SNX29: variants seen among roughly 807,000 people sequenced by gnomAD.
SNX29 encodes the protein sorting nexin-29.
Under a neutral mutation model 102.1 loss-of-function variants are expected in SNX29, and 78 were observed. The ratio of observed to expected loss-of-function variants is 0.76; its 90% CI spans 0.64 to 0.92. The LOEUF is 0.92. Ranked by LOEUF, SNX29 falls within the 40% of genes least tolerant of loss-of-function variation. The pLI, the probability that SNX29 is intolerant of heterozygous loss-of-function variation, is 0.00. For missense variants in SNX29, 1,280 were observed against 1,061.7 expected, an observed-to-expected ratio of 1.21 and a Z score of -2.86; for synonymous variants, 580 against 414.5, an observed-to-expected ratio of 1.40 and a Z score of -4.85.
intron 2 of SNX29, 151 bp from the exon 3 acceptor site, chr16:12,002,840 A>G (rs116930832): frequency 0.011 from 8,464 of 749,220 alleles, 72 homozygotes; most frequent in Non-Finnish European, 0.014. Context: ...TCTTGTGCTG[A>G]TACCCAGGGG....
At chr16:12,170,029 G>A (rs533384672) in intron 13 of SNX29, among the ~76,000 whole-genome samples, 2 of 152,230 alleles carry the variant, frequency 1.3e-5, no homozygotes, top group South Asian at 2.1e-4. Flanking sequence ...CTTGCTCTCC[G>A]TGCCGACACT....
intron 20 of SNX29, among the ~76,000 whole-genome samples, chr16:12,554,030 T>G (rs566473756): frequency 9.3e-4 from 142 of 152,332 alleles, no homozygotes; most frequent in Non-Finnish European, 1.7e-3. Context: ...TTAACCATGT[T>G]GCCCAGGCTG....
intron 15 of SNX29, among the ~76,000 whole-genome samples, chr16:12,346,620 G>C (rs1314583325): frequency 2.6e-5 from 4 of 152,224 alleles, no homozygotes; most frequent in Non-Finnish European, 4.4e-5. Flanking sequence ...GACCCTCACA[G>C]CTGCATGAGT....
intron 16 of SNX29, among the ~76,000 whole-genome samples, chr16:12,394,360 G>T (rs2151479951): frequency 6.6e-6 from 1 of 152,338 alleles, no homozygotes; most frequent in East Asian, 1.9e-4. Flanking sequence ...AGTTAGAAGA[G>T]CAGGCTCTGG....
intron 19 of SNX29, among the ~76,000 whole-genome samples, chr16:12,493,737 G>A (rs143269699): frequency 0.012 from 1,859 of 152,232 alleles, 14 homozygotes; most frequent in Non-Finnish European, 0.021. Flanking sequence ...GACTATAGGC[G>A]CATGCCACCA....
chr16:12,394,277 T>C (rs2083642119), intron 16 of SNX29, among the ~76,000 whole-genome samples: 1 of 152,106 alleles, frequency 6.6e-6, no homozygotes. Context: ...TTTGGGTTAC[T>C]TGATCTTCTG....
chr16:12,136,920 A>G (rs369159403), intron 13 of SNX29, among the ~76,000 whole-genome samples: 1 of 152,060 alleles, frequency 6.6e-6, no homozygotes, highest in East Asian at 1.9e-4. Flanking sequence ...TTATATTTTT[A>G]GTAGAGATGG....
chr16:12,438,159 A>G (rs776687206), intron 18 of SNX29, among the ~76,000 whole-genome samples: 1 of 152,034 alleles, frequency 6.6e-6, no homozygotes, highest in Non-Finnish European at 1.5e-5. Context: ...GTAGGGGGGC[A>G]TCTCTGGACT....
At chr16:12,131,254 T>C (rs1455808051) in intron 13 of SNX29, among the ~76,000 whole-genome samples, 1 of 152,254 alleles carries the variant, frequency 6.6e-6, no homozygotes, top group Non-Finnish European at 1.5e-5. Flanking sequence ...AGAGTATGGT[T>C]GAGCCTCCTT....
intron 13 of SNX29, among the ~76,000 whole-genome samples, chr16:12,148,895 T>G (rs2055179276): frequency 6.6e-6 from 1 of 151,838 alleles, no homozygotes; most frequent in African/African-American, 2.4e-5. Context: ...AGAGACAGGG[T>G]TTCTCCATGT....
At chr16:12,242,410 A>T (rs1438565443) in intron 14 of SNX29, among the ~76,000 whole-genome samples, 1 of 146,168 alleles carries the variant, frequency 6.8e-6, no homozygotes, top group Non-Finnish European at 1.5e-5. Context: ...TTCAATCCTC[A>T]TCTTGAATCC....
chr16:12,155,460 G>A (rs2055505327), intron 13 of SNX29, among the ~76,000 whole-genome samples: 1 of 152,086 alleles, frequency 6.6e-6, no homozygotes, highest in African/African-American at 2.4e-5. Flanking sequence ...AGTGGAGGAG[G>A]GGATTTGGCT....
At chr16:12,436,464 C>T (rs917658821) in intron 18 of SNX29, among the ~76,000 whole-genome samples, 1 of 152,232 alleles carries the variant, frequency 6.6e-6, no homozygotes, top group African/African-American at 2.4e-5. Flanking sequence ...CTGCTTTCCT[C>T]CCTGCCAGAT....
At chr16:12,243,244 G>A (rs1022440129) in intron 14 of SNX29, among the ~76,000 whole-genome samples, 18 of 152,362 alleles carry the variant, frequency 1.2e-4, no homozygotes, top group African/African-American at 3.6e-4. Context: ...ACTCTAGGGC[G>A]TATGCCAGAT....
At chr16:12,521,518 C>T (rs1345590161) in intron 19 of SNX29, among the ~76,000 whole-genome samples, 10 of 152,158 alleles carry the variant, frequency 6.6e-5, no homozygotes. Context: ...TAGGAAGGAC[C>T]ATCTCTGATC....
chr16:12,420,527 T>C (rs1452028237), intron 18 of SNX29, among the ~76,000 whole-genome samples: 1 of 152,206 alleles, frequency 6.6e-6, no homozygotes, highest in Non-Finnish European at 1.5e-5. Context: ...TTGACATGGA[T>C]TCTCAAGATG....
intron 18 of SNX29, among the ~76,000 whole-genome samples, chr16:12,449,481 G>A (rs1190607864): frequency 1.3e-5 from 2 of 152,112 alleles, no homozygotes; most frequent in South Asian, 2.1e-4. Context: ...TAACTCACAA[G>A]TGACAGAAAA....
intron 9 of SNX29, among the ~76,000 whole-genome samples, chr16:12,066,417 A>G (rs924266436): frequency 1.2e-4 from 18 of 152,138 alleles, no homozygotes; most frequent in African/African-American, 4.1e-4. Context: ...CTTACAGCCT[A>G]GTGCGACATA....
chr16:12,339,157 C>G (rs1385500812), intron 15 of SNX29, among the ~76,000 whole-genome samples: 3 of 152,036 alleles, frequency 2.0e-5, no homozygotes, highest in Non-Finnish European at 1.5e-5. Flanking sequence ...CACCTGAGGT[C>G]AGGAGTTCAA....
Sources: allele counts gnomAD v4.1 joint callset (sites outside exome capture counted in the v4.1 genomes callset), GRCh38; gene constraint gnomAD v4.1.1; transcripts MANE v1.5; gene names NCBI Gene and HGNC (gene_info 2026-07-23, HGNC 2026-07-21).